The following TTBK2 variants were observed in gnomAD, a reference collection of about 807,000 sequenced individuals.
TTBK2 encodes tau tubulin kinase 2.
In TTBK2, 28 loss-of-function variants were observed where a neutral mutation model predicts 110.8. That is an observed-to-expected ratio of 0.25 (90% CI 0.19 to 0.35). TTBK2 has a LOEUF of 0.35. Ranked by LOEUF, TTBK2 falls within the 10% of genes least tolerant of loss-of-function variation. TTBK2 has a pLI of 1.00. For missense variants in TTBK2, 1,369 were observed against 1,500.3 expected (o/e 0.91, Z 1.45); for synonymous variants, 532 against 527.3 (o/e 1.01, Z -0.12).
intron 13 of TTBK2, among the ~76,000 whole-genome samples, chr15:42,757,229 C>T (rs1205215465): frequency 2.0e-5 from 3 of 151,874 alleles, no homozygotes; most frequent in African/African-American, 7.3e-5. Flanking sequence ...ACCTCAGACT[C>T]CCAAGTAGCT....
chr15:42,775,884 T>C (rs1889900781), intron 12 of TTBK2, among the ~76,000 whole-genome samples, 161 bp from the exon 13 acceptor site: 1 of 152,214 alleles, frequency 6.6e-6, no homozygotes. Flanking sequence ...CTTCTCTACC[T>C]GCCACATCCT....
intron 10 of TTBK2, among the ~76,000 whole-genome samples, chr15:42,788,803 C>T (rs1243546453): frequency 6.6e-6 from 1 of 151,998 alleles, no homozygotes; most frequent in Non-Finnish European, 1.5e-5. Context: ...GCTATATAAC[C>T]CAAACTGAAA....
intron 1 of TTBK2, among the ~76,000 whole-genome samples, chr15:42,892,743 C>T (rs1381768931): frequency 1.4e-5 from 2 of 144,652 alleles, no homozygotes; most frequent in Non-Finnish European, 3.0e-5. Context: ...GGCACGGTGG[C>T]TCACGCCTGT....
At chr15:42,849,302 G>T (rs1230270420) in intron 3 of TTBK2, among the ~76,000 whole-genome samples, 1 of 151,752 alleles carries the variant, frequency 6.6e-6, no homozygotes, top group Non-Finnish European at 1.5e-5. Context: ...GTACATCTTG[G>T]GTCTAAATGT....
rs184167929 is a variant in TTBK2, at chr15:42,775,311, G to C, written c.1822C>G (p.His608Asp). The change falls in exon 13 of 15, where the codon CAT becomes GAT. Residue 608 changes from histidine to aspartate, a missense_variant. By Grantham distance (81) the His-to-Asp change is moderately conservative. This residue lies in a region of TTBK2 where 1,097 missense variants were observed against 1,114.7 expected (regional missense o/e 0.98). Coordinates refer to ENST00000267890, the MANE Select transcript of TTBK2 (RefSeq NM_173500.4). ...ACACCTGAGGTTTCCTTCTTTAAAT[G>C]ATCATTTTCTGCCCAAGGACCTAAC... The part of the protein sequence containing the change: ...LQLGPWAEND[H>D]LKKETSGVVL... 103 of 1,614,048 alleles carry C rather than the reference G, an allele frequency of 6.4e-5. No individual in the cohort carries two copies. The highest frequency in any genetic ancestry group is 8.1e-5 in the Non-Finnish European group (96 of 1,180,030).
intron 3 of TTBK2, among the ~76,000 whole-genome samples, chr15:42,865,416 G>C (rs948833059): frequency 3.3e-5 from 5 of 150,888 alleles, no homozygotes; most frequent in Admixed American, 1.3e-4. Context: ...CCGAGACTGC[G>C]TCACTGGCAC....
At chr15:42,842,279 T>C (rs1295290747) in intron 3 of TTBK2, among the ~76,000 whole-genome samples, 2 of 151,922 alleles carry the variant, frequency 1.3e-5, no homozygotes, top group Non-Finnish European at 2.9e-5. Flanking sequence ...AGGAGGAAAC[T>C]GAGAGAGCCG....
chr15:42,769,655 T>C (rs879851544), intron 13 of TTBK2, among the ~76,000 whole-genome samples: 6 of 152,304 alleles, frequency 3.9e-5, no homozygotes, highest in South Asian at 2.1e-4. Context: ...TTTTACACTG[T>C]TGGTGGGAGT....
intron 10 of TTBK2, among the ~76,000 whole-genome samples, chr15:42,789,030 TA>T (rs1383284608): frequency 6.6e-6 from 1 of 152,254 alleles, no homozygotes; most frequent in Non-Finnish European, 1.5e-5. Context: ...AAAGAGCAGC[TA>T]AAATCTACTT....
chr15:42,790,145 G>T (rs888762957), intron 10 of TTBK2, among the ~76,000 whole-genome samples: 1 of 152,098 alleles, frequency 6.6e-6, no homozygotes, highest in African/African-American at 2.4e-5. Context: ...ATGTATAAAA[G>T]ACCTATATGT....
intron 1 of TTBK2, among the ~76,000 whole-genome samples, chr15:42,885,659 C>T (rs1895213018): frequency 1.3e-5 from 2 of 152,110 alleles, no homozygotes; most frequent in African/African-American, 4.8e-5. Flanking sequence ...GGCAAGTACC[C>T]CCCGACCTCT....
rs531599815 is a variant in TTBK2 at position 42,739,958 on chromosome 15, A to G, written c.*5837T>C. 2.6e-5 allele frequency: 4 copies of G among 152,356 alleles called. No homozygotes were observed. Among genetic ancestry groups the G allele is most frequent in the Non-Finnish European group, 5.9e-5 (4 of 68,032 alleles). 9.4% of individuals were successfully genotyped at this position (152,356 alleles called of 1,614,324 possible). A position where few individuals can be genotyped will look rare whatever the true frequency, so the allele number is the denominator to read the frequency against. ...TCTATATAAAAACTTGGTTTACTCA[A>G]TGTTTTTAATTAGGCGAGTGAACAC... On this transcript the variant is annotated 3_prime_UTR_variant, in exon 15 of 15. Transcript: ENST00000267890.
intron 13 of TTBK2, among the ~76,000 whole-genome samples, chr15:42,757,402 T>C: frequency 6.6e-6 from 1 of 152,172 alleles, no homozygotes; most frequent in East Asian, 1.9e-4. Flanking sequence ...TGAGCCACTG[T>C]GCCCGGTTAG....
intron 7 of TTBK2, among the ~76,000 whole-genome samples, chr15:42,815,956 A>ATATATATATATATATATATATATAT (rs1256399173): frequency 3.1e-5 from 2 of 63,956 alleles, no homozygotes; most frequent in Admixed American, 1.7e-4. Context: ...ATTTAAAAAA[A>ATATATATATATATATATATATATAT]AAATATATAT....
intron 3 of TTBK2, among the ~76,000 whole-genome samples, chr15:42,858,509 T>C (rs1894031352): frequency 6.6e-6 from 1 of 152,180 alleles, no homozygotes; most frequent in South Asian, 2.1e-4. Flanking sequence ...TCTATTTTGG[T>C]ACATATTTAA....
intron 4 of TTBK2, among the ~76,000 whole-genome samples, chr15:42,838,408 T>C (rs1381060437): frequency 2.0e-5 from 3 of 151,716 alleles, no homozygotes; most frequent in Admixed American, 2.0e-4. Context: ...TCAGAGGTAG[T>C]GTCAGAAAAA....
chr15:42,846,820 A>G (rs1302206714), intron 3 of TTBK2, among the ~76,000 whole-genome samples: 2 of 152,072 alleles, frequency 1.3e-5, no homozygotes, highest in African/African-American at 4.8e-5. Flanking sequence ...AGGAAAGGTG[A>G]GTGGGAGGGG....
chr15:42,787,059 C>A (rs1189648908), intron 10 of TTBK2, among the ~76,000 whole-genome samples: 1 of 151,986 alleles, frequency 6.6e-6, no homozygotes, highest in Non-Finnish European at 1.5e-5. Flanking sequence ...AACGAATATC[C>A]TTTTCATATT....
At chr15:42,767,569 T>G (rs1001504243) in intron 13 of TTBK2, among the ~76,000 whole-genome samples, 1 of 152,012 alleles carries the variant, frequency 6.6e-6, no homozygotes, top group South Asian at 2.1e-4. Flanking sequence ...CAGGAAGAAG[T>G]TGAATCTCTG....
Sources: allele counts gnomAD v4.1 joint callset (sites outside exome capture counted in the v4.1 genomes callset), GRCh38; gene constraint gnomAD v4.1.1; regional missense constraint gnomAD v4.1.1; transcripts MANE v1.5; gene names NCBI Gene and HGNC (gene_info 2026-07-23, HGNC 2026-07-21).